The following CAPN2 variants were observed in gnomAD, a reference collection of about 807,000 sequenced individuals.
CAPN2 encodes the protein calpain-2 catalytic subunit.
Under a neutral mutation model 102.3 loss-of-function variants are expected in CAPN2, and 92 were observed. That is an observed-to-expected ratio of 0.90 (90% CI 0.76 to 1.07). The LOEUF (loss-of-function observed/expected upper bound fraction) is 1.07. CAPN2 is among the 50% of genes least tolerant of loss of function. The probability of loss-of-function intolerance (pLI) is 0.00; values close to 1 mark genes in which losing one functional copy is unlikely to be tolerated. For missense variants in CAPN2, 800 were observed against 909.4 expected, an observed-to-expected ratio of 0.88 and a Z score of 1.55; for synonymous variants, 340 against 355.4, an observed-to-expected ratio of 0.96 and a Z score of 0.49.
At chr1:223,723,257 T>A (rs1338244796) in intron 2 of CAPN2, among the ~76,000 whole-genome samples, 1 of 152,162 alleles carries the variant, frequency 6.6e-6, no homozygotes, top group African/African-American at 2.4e-5. Flanking sequence ...GAAGCTGCTG[T>A]GAGCCGTGCA....
intron 14 of CAPN2, 55 bp downstream of exon 14, chr1:223,762,306 AGT>A: frequency 7.3e-7 from 1 of 1,378,442 alleles, no homozygotes; most frequent in Non-Finnish European, 1.0e-6. Flanking sequence ...AGGAAGAGAC[AGT>A]GTGTGTCCCC....
chr1:223,712,091 G>C (rs572473144), upstream of CAPN2, among the ~76,000 whole-genome samples: 275 of 152,344 alleles, frequency 1.8e-3, 5 homozygotes, highest in Non-Finnish European at 3.7e-4. Flanking sequence ...GACAATATCA[G>C]CGCCTTCTTC....
Position 223,755,560 on chromosome 1 carries a change from A to G in CAPN2, c.1216A>G (p.Thr406Ala). 6.2e-7 allele frequency: 1 copy of G among 1,613,974 alleles called. No homozygotes were observed. The highest frequency in any genetic ancestry group is 1.7e-4 in the Middle Eastern group (1 of 6,022). Residue 406 changes from threonine to alanine, a missense_variant, in exon 10 of 21, where the codon ACC (threonine) becomes GCC (alanine). By Grantham distance (58) the Thr-to-Ala change is moderately conservative. Transcript: ENST00000295006. The surrounding 1 kb of genome is among the most constrained non-coding windows in gnomAD (Gnocchi z 4.1). ...EDEEDGESGC[T>A]FLVGLIQKHR... is the part of the protein sequence containing the mutation. ...CGAGGAGGATGGGGAGAGCGGCTGC[A>G]CCTTCCTGGTGGGGCTCATTCAGAA...
At chr1:223,703,735 C>A (rs572927543) in intron 1 of CAPN2, among the ~76,000 whole-genome samples, 4 of 152,350 alleles carry the variant, frequency 2.6e-5, no homozygotes, top group Non-Finnish European at 4.4e-5. Context: ...CCCAATAAGT[C>A]TCTTGCATGT....
At chr1:223,750,544 A>T (rs1660860549) in intron 6 of CAPN2, among the ~76,000 whole-genome samples, 1 of 152,228 alleles carries the variant, frequency 6.6e-6, no homozygotes, top group Non-Finnish European at 1.5e-5. Context: ...ATCACCAGTG[A>T]TCTTTCAACA....
At chr1:223,706,983 G>A (rs1192751567) in intron 1 of CAPN2, among the ~76,000 whole-genome samples, 1 of 151,688 alleles carries the variant, frequency 6.6e-6, no homozygotes. Flanking sequence ...AAGAGGCTGA[G>A]GCAGGAGAAT....
Position 223,774,944 on chromosome 1 carries a change from C to T in CAPN2, c.*87C>T, listed in dbSNP as rs2102820180. 9.0e-7 allele frequency: 1 copy of T among 1,116,594 alleles called. No individual in the cohort carries two copies. Among genetic ancestry groups the T allele is most frequent in the South Asian group, 1.3e-5 (1 of 75,560 alleles). The allele number at this position is 1,116,594 out of a possible 1,614,324, so 69.2% of individuals were successfully genotyped here. A position where few individuals can be genotyped will look rare whatever the true frequency, so the allele number is the denominator to read the frequency against. Reference sequence around the variant, plus strand: ...CATAGAAATACACTTTGTATCTGGACCTCAAAATTATGGGAACATTTACTT... The same window carrying T: ...CATAGAAATACACTTTGTATCTGGATCTCAAAATTATGGGAACATTTACTT... On this transcript the variant is annotated 3_prime_UTR_variant, in exon 21 of 21. Transcript: ENST00000295006.
intron 20 of CAPN2, 54 bp from the exon 21 acceptor site, chr1:223,774,779 GC>G (rs2102820014): frequency 2.6e-6 from 4 of 1,542,094 alleles, no homozygotes; most frequent in South Asian, 2.3e-5. Context: ...TACTTAAATA[GC>G]CTTTAATTTT....
At chr1:223,720,256 A>C (rs1266170031) in intron 2 of CAPN2, among the ~76,000 whole-genome samples, 2 of 149,894 alleles carry the variant, frequency 1.3e-5, no homozygotes, top group Admixed American at 6.6e-5. Context: ...GCTACTCCTC[A>C]TTCCTTGTGC....
At position 223,737,809 on chromosome 1, in the gene CAPN2, C is replaced by T. The variant is rs556685225; in HGVS notation, c.308-6291C>T. Among the ~76,000 whole-genome samples the T allele has an allele frequency of 1.3e-3, 201 of 150,236 alleles. 1 individual carries two copies. Among genetic ancestry groups the T allele is most frequent in the Middle Eastern group, 7.0e-3 (2 of 286 alleles). On this transcript the variant is annotated intron_variant, in intron 2 of 20. Transcript: ENST00000295006. The stretch of plus-strand genomic sequence containing the variant: ...CAGAAAGAAGGGAATGTGTCAAAAC[C>T]GGGAGAGGGGAAAAAAAAAGGCATG...
chr1:223,722,293 T>C (rs1323030083), intron 2 of CAPN2, among the ~76,000 whole-genome samples: 1 of 97,988 alleles, frequency 1.0e-5, no homozygotes, highest in Admixed American at 9.7e-5. Context: ...TTTTTTTTTT[T>C]TTTTTTTTTT....
chr1:223,708,580 C>T (rs1231858274), upstream of CAPN2, among the ~76,000 whole-genome samples: 1 of 151,866 alleles, frequency 6.6e-6, no homozygotes, highest in African/African-American at 2.4e-5. Context: ...ACCAGCCTGG[C>T]CAACATGAGG....
chr1:223,727,538 C>A lies in CAPN2; in HGVS notation c.307+9707C>A, dbSNP rs994737097. Among the ~76,000 whole-genome samples the A allele has an allele frequency of 1.3e-5, 2 of 152,136 alleles. No homozygotes were observed. Among genetic ancestry groups the A allele is most frequent in the Non-Finnish European group, 2.9e-5 (2 of 68,034 alleles). On this transcript the variant is annotated intron_variant, in intron 2 of 20. Transcript: ENST00000295006. This position sits in a 1 kb window ranked among gnomAD's most constrained non-coding sequence, Gnocchi z 4.1. ...GGTACTGTGGGGGTCACTGGGCACACAGAATGCCATTTGGGGAGCCTGGTG... is the reference window on the plus strand; with the variant it reads ...GGTACTGTGGGGGTCACTGGGCACAAAGAATGCCATTTGGGGAGCCTGGTG...
intron 2 of CAPN2, among the ~76,000 whole-genome samples, chr1:223,743,678 T>C (rs1223603857): frequency 6.6e-6 from 1 of 152,036 alleles, no homozygotes; most frequent in Non-Finnish European, 1.5e-5. Flanking sequence ...CAAACTCCCA[T>C]TCAAAGCCTG....
At chr1:223,716,687 C>T (rs1208036429) in intron 1 of CAPN2, among the ~76,000 whole-genome samples, 1 of 151,940 alleles carries the variant, frequency 6.6e-6, no homozygotes, top group East Asian at 1.9e-4. Flanking sequence ...GACGCAGCTC[C>T]TTCAAGGCAA....
chr1:223,716,354 A>G (rs1025745456), intron 1 of CAPN2, among the ~76,000 whole-genome samples: 1 of 152,188 alleles, frequency 6.6e-6, no homozygotes, highest in African/African-American at 2.4e-5. Context: ...ACAGGCTCCC[A>G]GCACCAAGCC....
Position 223,755,040 on chromosome 1 carries a change from T to C in CAPN2, c.1136-440T>C, listed in dbSNP as rs79346856. Among the ~76,000 whole-genome samples, 899 of 152,202 alleles carry C rather than the reference T, an allele frequency of 5.9e-3. 9 individuals are homozygous for C. The highest frequency in any genetic ancestry group is 0.021 in the African/African-American group (855 of 41,504). Reference sequence around the variant, plus strand: ...GTTTCTAATTTAGGTTCCTGTTAGATTCAGACAAGTGCAGGTCATCCTCTC... The same window carrying C: ...GTTTCTAATTTAGGTTCCTGTTAGACTCAGACAAGTGCAGGTCATCCTCTC... On this transcript the variant is annotated intron_variant, in intron 9 of 20. Coordinates refer to ENST00000295006, the MANE Select transcript of CAPN2 (RefSeq NM_001748.5). The surrounding 1 kb of genome is among the most constrained non-coding windows in gnomAD (Gnocchi z 4.1).
intron 1 of CAPN2, among the ~76,000 whole-genome samples, chr1:223,707,371 C>G: frequency 6.6e-6 from 1 of 152,122 alleles, no homozygotes; most frequent in East Asian, 1.9e-4. Flanking sequence ...GACTCACCAC[C>G]ATCCTCAGGG....
At position 223,755,306 on chromosome 1, in the gene CAPN2, A is replaced by G. The variant is rs1382057484; in HGVS notation, c.1136-174A>G. ...CCGCTGTCTCCCACCATCTTCTGCC[A>G]TACTCTGCCATCTCCCACCATCCCC... is the stretch of plus-strand genomic sequence containing the variant. On this transcript the variant is annotated intron_variant, in intron 9 of 20. Coordinates refer to ENST00000295006, the MANE Select transcript of CAPN2 (RefSeq NM_001748.5). This position sits in a 1 kb window ranked among gnomAD's most constrained non-coding sequence, Gnocchi z 4.1. 6.6e-6 allele frequency among the ~76,000 whole-genome samples: 1 copy of G among 151,704 alleles called. No individual in the cohort carries two copies. Among genetic ancestry groups the G allele is most frequent in the East Asian group, 1.9e-4 (1 of 5,170 alleles).
Sources: allele counts gnomAD v4.1 joint callset (sites outside exome capture counted in the v4.1 genomes callset), GRCh38; gene constraint gnomAD v4.1.1; non-coding constraint Gnocchi (gnomAD v3.1); transcripts MANE v1.5; gene names NCBI Gene and HGNC (gene_info 2026-07-23, HGNC 2026-07-21).